Variants in MYO1D observed in about 807,000 individuals in gnomAD.
MYO1D encodes the protein myosin ID.
A neutral mutation model predicts 122.0 loss-of-function variants in MYO1D; 83 were observed. That is an observed-to-expected ratio of 0.68 (90% CI 0.57 to 0.82). The LOEUF (loss-of-function observed/expected upper bound fraction) is 0.82, where lower values mean the gene tolerates loss of function less well. MYO1D is among the 40% of genes least tolerant of loss of function. The pLI, the probability that MYO1D is intolerant of heterozygous loss-of-function variation, is 0.00. For synonymous variants in MYO1D, 464 were observed against 446.9 expected (o/e 1.04, Z -0.48); for missense variants, 1,157 against 1,269.5 (o/e 0.91, Z 1.35).
intron 1 of MYO1D, among the ~76,000 whole-genome samples, chr17:32,793,002 G>C (rs977373120): frequency 2.6e-5 from 4 of 152,284 alleles, no homozygotes; most frequent in East Asian, 1.9e-4. Context: ...TGAGTAACTA[G>C]TAAGTGTCCA....
chr17:32,676,591 G>T (rs982076136), intron 16 of MYO1D, among the ~76,000 whole-genome samples: 1 of 151,972 alleles, frequency 6.6e-6, no homozygotes, highest in Non-Finnish European at 1.5e-5. Flanking sequence ...TTCTAGAGGC[G>T]ACTCTCCCTG....
At chr17:32,698,906 T>G (rs1344492907) in intron 16 of MYO1D, among the ~76,000 whole-genome samples, 1 of 152,056 alleles carries the variant, frequency 6.6e-6, no homozygotes, top group African/African-American at 2.4e-5. Flanking sequence ...TAATATGAAA[T>G]TGTTAATTTA....
At chr17:32,756,242 G>C (rs750063242) in intron 10 of MYO1D, 2 of 228,548 alleles carry the variant, frequency 8.8e-6, no homozygotes, top group Non-Finnish European at 1.7e-5. Flanking sequence ...CATGCAGATG[G>C]AAGGGGTGGA....
At chr17:32,526,048 C>T (rs1018218894) in intron 21 of MYO1D, among the ~76,000 whole-genome samples, 7 of 152,192 alleles carry the variant, frequency 4.6e-5, no homozygotes, top group African/African-American at 1.7e-4. Flanking sequence ...ATTTTTTCCT[C>T]AATATTGGCA....
chr17:32,835,144 T>G (rs2090810125), intron 1 of MYO1D, among the ~76,000 whole-genome samples: 1 of 152,050 alleles, frequency 6.6e-6, no homozygotes, highest in South Asian at 2.1e-4. Context: ...CTCTGGTTTT[T>G]GGTTTTGCTT....
intron 1 of MYO1D, among the ~76,000 whole-genome samples, chr17:32,791,568 T>C (rs139292001): frequency 6.6e-6 from 1 of 152,210 alleles, no homozygotes; most frequent in African/African-American, 2.4e-5. Flanking sequence ...CTCCAATTTA[T>C]TCTCCAATGG....
chr17:32,494,451 CG>C lies in MYO1D; in HGVS notation c.*307del. Reference sequence around the variant, plus strand: ...CAGGTGCTCTGACTTGACCTGGCCACGGGGCATCCGCACCAACTAAAGGCAC... The same window carrying C: ...CAGGTGCTCTGACTTGACCTGGCCACGGGCATCCGCACCAACTAAAGGCAC... On this transcript the variant is annotated 3_prime_UTR_variant, in exon 22 of 22. Coordinates refer to ENST00000318217, the MANE Select transcript of MYO1D (RefSeq NM_015194.3). 3 of 340,836 alleles carry C rather than the reference CG, an allele frequency of 8.8e-6. No individual in the cohort carries two copies. The highest frequency in any genetic ancestry group is 7.9e-5 in the South Asian group (2 of 25,364). The allele number at this position is 340,836 out of a possible 1,614,324, so 21.1% of individuals were successfully genotyped here. A position where few individuals can be genotyped will look rare whatever the true frequency, so the allele number is the denominator to read the frequency against.
At chr17:32,738,213 C>T (rs546928395) in intron 14 of MYO1D, 40 bp downstream of exon 14, 1 of 1,510,826 alleles carries the variant, frequency 6.6e-7, no homozygotes, top group African/African-American at 1.4e-5. Context: ...AAGAGGAAAT[C>T]TATGAGTTAA....
intron 14 of MYO1D, among the ~76,000 whole-genome samples, chr17:32,722,854 G>C (rs925402627): frequency 2.0e-5 from 3 of 152,126 alleles, no homozygotes; most frequent in Non-Finnish European, 4.4e-5. Flanking sequence ...TTATGATAAT[G>C]AGGTGACTCA....
At chr17:32,716,450 T>C (rs2089447498) in intron 15 of MYO1D, among the ~76,000 whole-genome samples, 1 of 152,238 alleles carries the variant, frequency 6.6e-6, no homozygotes, top group South Asian at 2.1e-4. Context: ...CTATATACCA[T>C]GTGCCTATCA....
intron 19 of MYO1D, among the ~76,000 whole-genome samples, chr17:32,653,344 G>A (rs1267131996): frequency 1.3e-5 from 2 of 151,100 alleles, no homozygotes; most frequent in Admixed American, 6.6e-5. Flanking sequence ...TGGTGAGTCA[G>A]TCCTGGAATC....
chr17:32,778,338 T>A, intron 3 of MYO1D, 142 bp downstream of exon 3: 1 of 608,172 alleles, frequency 1.6e-6, no homozygotes, highest in Non-Finnish European at 2.9e-6. Flanking sequence ...CTTAAGAGAA[T>A]CAAAGTAGCT....
At chr17:32,643,100 A>G (rs2088228482) in intron 19 of MYO1D, among the ~76,000 whole-genome samples, 1 of 152,216 alleles carries the variant, frequency 6.6e-6, no homozygotes, top group African/African-American at 2.4e-5. Context: ...ACGTCCCATC[A>G]ATACCTAATT....
At chr17:32,720,969 G>T in intron 15 of MYO1D, 54 bp downstream of exon 15, 1 of 1,541,706 alleles carries the variant, frequency 6.5e-7, no homozygotes, top group Non-Finnish European at 8.8e-7. Context: ...TATTGTACGG[G>T]GAGGACTCCC....
intron 1 of MYO1D, among the ~76,000 whole-genome samples, chr17:32,784,581 G>T (rs2090273701): frequency 6.6e-6 from 1 of 152,080 alleles, no homozygotes; most frequent in Admixed American, 6.5e-5. Context: ...AAACAAAGAG[G>T]TTCTAAAAAG....
intron 16 of MYO1D, among the ~76,000 whole-genome samples, chr17:32,698,301 T>C (rs113136123): frequency 0.45 from 37,471 of 82,856 alleles, 7,897 homozygotes; most frequent in East Asian, 0.54. Flanking sequence ...TTCCCCCCTC[T>C]CCCTCCCCCT....
At chr17:32,604,475 C>G (rs1384861317) in intron 21 of MYO1D, among the ~76,000 whole-genome samples, 1 of 152,094 alleles carries the variant, frequency 6.6e-6, no homozygotes, top group Non-Finnish European at 1.5e-5. Flanking sequence ...AAAATCACTC[C>G]CCTGCTTAAA....
At chr17:32,560,723 G>A (rs1469135447) in intron 21 of MYO1D, among the ~76,000 whole-genome samples, 4 of 150,832 alleles carry the variant, frequency 2.7e-5, no homozygotes, top group Admixed American at 2.6e-4. Context: ...GGGTTCAAGT[G>A]ATTCTCCTGC....
intron 21 of MYO1D, among the ~76,000 whole-genome samples, chr17:32,553,556 A>G (rs1597893702): frequency 6.6e-6 from 1 of 152,202 alleles, no homozygotes; most frequent in East Asian, 1.9e-4. Flanking sequence ...TGATGGCACA[A>G]TGAAGGGCCT....
Sources: allele counts gnomAD v4.1 joint callset (sites outside exome capture counted in the v4.1 genomes callset), GRCh38; gene constraint gnomAD v4.1.1; transcripts MANE v1.5; gene names NCBI Gene and HGNC (gene_info 2026-07-23, HGNC 2026-07-21).